PHACTR1: variants seen among roughly 807,000 people sequenced by gnomAD.
The protein encoded by PHACTR1 is phosphatase and actin regulator 1, also known as RPEL repeat containing 1.
A neutral mutation model predicts 69.2 loss-of-function variants in PHACTR1; 16 were observed. The ratio of observed to expected loss-of-function variants is 0.23; its 90% confidence interval spans 0.16 to 0.35. PHACTR1 has a LOEUF of 0.35. Among genes scored for constraint, PHACTR1 ranks in the 10% least tolerant of loss-of-function variants. The probability of loss-of-function intolerance (pLI) is 1.00; values close to 1 mark genes in which losing one functional copy is unlikely to be tolerated. For missense variants in PHACTR1, 510 were observed against 734.7 expected, an observed-to-expected ratio of 0.69 and a Z score of 3.54; for synonymous variants, 312 against 284.5, an observed-to-expected ratio of 1.10 and a Z score of -0.97.
intron 7 of PHACTR1, 35 bp downstream of exon 7, chr6:13,182,721 G>C (rs901721864): frequency 6.7e-7 from 1 of 1,482,942 alleles, no homozygotes; most frequent in South Asian, 1.5e-5. Flanking sequence ...GCAGGTCCCA[G>C]ACACCAAGTC....
intron 3 of PHACTR1, among the ~76,000 whole-genome samples, chr6:12,724,545 T>C (rs866799764): frequency 6.6e-6 from 1 of 152,304 alleles, no homozygotes; most frequent in African/African-American, 2.4e-5. Flanking sequence ...CATTCAAACA[T>C]ATCCATCTCC....
intron 4 of PHACTR1, among the ~76,000 whole-genome samples, chr6:12,961,622 G>A (rs983315364): frequency 6.6e-6 from 1 of 152,218 alleles, no homozygotes; most frequent in African/African-American, 2.4e-5. Context: ...AGGAATATGT[G>A]TGTTACTGAA....
rs187558879 is a variant in PHACTR1 at position 13,246,027 on chromosome 6, C to T, written c.1391+15834C>T. Among the ~76,000 whole-genome samples, 350 of 152,248 alleles carry T rather than the reference C, an allele frequency of 2.3e-3. 1 individual carries two copies. Among genetic ancestry groups the T allele is most frequent in the African/African-American group, 7.9e-3 (329 of 41,550 alleles). On this transcript the variant is annotated intron_variant, in intron 10 of 14. Transcript: ENST00000332995. The surrounding 1 kb of genome is among the most constrained non-coding windows in gnomAD (Gnocchi z 4.2). The stretch of plus-strand genomic sequence containing the variant: ...ACAGGTAAATGGCTGATAGAGGCTA[C>T]ACTACTAGCCAAGTTCACACAGTAA...
intron 3 of PHACTR1, among the ~76,000 whole-genome samples, chr6:12,733,456 A>G (rs1203747457): frequency 6.6e-6 from 1 of 152,216 alleles, no homozygotes; most frequent in Non-Finnish European, 1.5e-5. Context: ...CCACACAACC[A>G]TGAAGAGGTG....
chr6:12,990,642 A>T (rs1796715443), intron 4 of PHACTR1, among the ~76,000 whole-genome samples: 1 of 152,232 alleles, frequency 6.6e-6, no homozygotes, highest in South Asian at 2.1e-4. Flanking sequence ...ATGGATGGCT[A>T]AGTGTTGACA....
At chr6:13,133,586 C>T (rs1352443858) in intron 5 of PHACTR1, among the ~76,000 whole-genome samples, 2 of 152,298 alleles carry the variant, frequency 1.3e-5, no homozygotes, top group South Asian at 2.1e-4. Context: ...CGGAGTCTCG[C>T]TCACTCAGTG....
intron 4 of PHACTR1, among the ~76,000 whole-genome samples, chr6:13,051,503 T>TA (rs35452532): frequency 2.6e-5 from 4 of 152,204 alleles, no homozygotes; most frequent in Non-Finnish European, 5.9e-5. Flanking sequence ...TCATCTCACC[T>TA]AACGTCACTG....
chr6:13,134,219 C>T (rs1016204789), intron 5 of PHACTR1, among the ~76,000 whole-genome samples: 2 of 148,260 alleles, frequency 1.3e-5, no homozygotes, highest in African/African-American at 2.5e-5. Context: ...GGGCAGCCCC[C>T]GCCCCGCCAG....
At chr6:12,832,831 G>A (rs1182078218) in intron 4 of PHACTR1, among the ~76,000 whole-genome samples, 4 of 152,036 alleles carry the variant, frequency 2.6e-5, no homozygotes, top group Admixed American at 6.6e-5. Flanking sequence ...TAATAGACAC[G>A]GGGTGTGGAA....
At chr6:12,921,462 T>TGGAA (rs992368215) in intron 4 of PHACTR1, among the ~76,000 whole-genome samples, 33 of 114,732 alleles carry the variant, frequency 2.9e-4, no homozygotes, top group East Asian at 1.5e-3. Context: ...GAGGGAAGGA[T>TGGAA]GGAAGGAAGG....
At chr6:13,123,078 T>C (rs118004464) in intron 5 of PHACTR1, among the ~76,000 whole-genome samples, 1 of 152,052 alleles carries the variant, frequency 6.6e-6, no homozygotes, top group East Asian at 1.9e-4. Context: ...CTCTCAGAAC[T>C]TGGGAGGAGA....
chr6:13,278,155 C>A, intron 11 of PHACTR1, 113 bp from the exon 12 acceptor site: 1 of 1,004,858 alleles, frequency 1.0e-6, no homozygotes, highest in Non-Finnish European at 1.5e-6. Context: ...GGAGTACTCT[C>A]TTCCCTTTAT....
At chr6:12,822,602 TC>T (rs1776345045) in intron 4 of PHACTR1, among the ~76,000 whole-genome samples, 1 of 152,162 alleles carries the variant, frequency 6.6e-6, no homozygotes, top group African/African-American at 2.4e-5. Flanking sequence ...TCCCTGCTCT[TC>T]CAAGTGTTAG....
At chr6:13,170,845 CT>C (rs1338412936) in intron 6 of PHACTR1, among the ~76,000 whole-genome samples, 1 of 152,180 alleles carries the variant, frequency 6.6e-6, no homozygotes, top group Non-Finnish European at 1.5e-5. Context: ...CATTTGATCC[CT>C]TCTCACTGTT....
intron 3 of PHACTR1, among the ~76,000 whole-genome samples, chr6:12,731,645 C>T (rs1281012996): frequency 2.0e-5 from 3 of 152,154 alleles, no homozygotes; most frequent in African/African-American, 7.2e-5. Context: ...ATTTATTGGG[C>T]ACATGATATT....
intron 3 of PHACTR1, among the ~76,000 whole-genome samples, chr6:12,726,357 G>A (rs1446462952): frequency 2.0e-5 from 3 of 152,178 alleles, no homozygotes; most frequent in Non-Finnish European, 2.9e-5. Flanking sequence ...ATTGAGCTGA[G>A]TTTAAAAGCT....
chr6:12,820,432 A>G (rs1026221965), intron 4 of PHACTR1, among the ~76,000 whole-genome samples: 4 of 152,208 alleles, frequency 2.6e-5, no homozygotes, highest in Admixed American at 2.0e-4. Context: ...CGCCCGCCTC[A>G]GCCTCCCAAA....
chr6:13,212,504 G>A (rs945999898), intron 8 of PHACTR1, among the ~76,000 whole-genome samples: 4 of 152,130 alleles, frequency 2.6e-5, no homozygotes, highest in African/African-American at 9.7e-5. Context: ...CTTGCATCAG[G>A]TTATGTGTTT....
chr6:13,270,657 T>C (rs1349038302), intron 10 of PHACTR1, among the ~76,000 whole-genome samples: 6 of 152,232 alleles, frequency 3.9e-5, no homozygotes, highest in Non-Finnish European at 7.3e-5. Flanking sequence ...GAAAATGTTC[T>C]TATACTCTTA....
Sources: allele counts gnomAD v4.1 joint callset (sites outside exome capture counted in the v4.1 genomes callset), GRCh38; gene constraint gnomAD v4.1.1; non-coding constraint Gnocchi (gnomAD v3.1); transcripts MANE v1.5; gene names NCBI Gene and HGNC (gene_info 2026-07-23, HGNC 2026-07-21).